The following PDXK variants were observed in gnomAD, a reference collection of about 807,000 sequenced individuals.
PDXK encodes epididymis secretory sperm binding protein Li 1a.
Under a neutral mutation model 43.2 loss-of-function variants are expected in PDXK, and 15 were observed. The ratio of observed to expected loss-of-function variants is 0.35; its 90% CI spans 0.23 to 0.53. PDXK has a LOEUF of 0.53. Among genes scored for constraint, PDXK ranks in the 20% least tolerant of loss-of-function variants. The pLI is 0.92. For synonymous variants in PDXK, 172 were observed against 165.4 expected, an observed-to-expected ratio of 1.04 and a Z score of -0.31; for missense variants, 343 against 417.0, an observed-to-expected ratio of 0.82 and a Z score of 1.54.
At position 43,735,218 on chromosome 21, in the gene PDXK, C is replaced by T. The variant is rs2083383229; in HGVS notation, c.142+1095C>T. ...AGGCCCTCCAGGAGCCTCCCTGAACCCACATGTCCTTCCTGGCTGCTCTCG... is the reference window on the plus strand; with the variant it reads ...AGGCCCTCCAGGAGCCTCCCTGAACTCACATGTCCTTCCTGGCTGCTCTCG... On this transcript the variant is annotated intron_variant, in intron 2 of 10. Transcript: ENST00000291565. This position sits in a 1 kb window ranked among gnomAD's most constrained non-coding sequence, Gnocchi z 5.3. Among the ~76,000 whole-genome samples the T allele has an allele frequency of 6.6e-6, 1 of 152,234 alleles. No homozygotes were observed. The highest frequency in any genetic ancestry group is 2.4e-5 in the African/African-American group (1 of 41,462).
chr21:43,720,684 G>A (rs1399408559), intron 1 of PDXK, among the ~76,000 whole-genome samples: 1 of 152,150 alleles, frequency 6.6e-6, no homozygotes, highest in Non-Finnish European at 1.5e-5. Flanking sequence ...GAGGGGGTTG[G>A]GGGAGGTCAC....
intron 3 of PDXK, among the ~76,000 whole-genome samples, chr21:43,742,694 T>C (rs1379146652): frequency 6.6e-6 from 1 of 152,060 alleles, no homozygotes. Flanking sequence ...CTGAGCGGCA[T>C]AGTGAGACCT....
Position 43,750,852 on chromosome 21 carries a change from A to G in PDXK, c.510+307A>G, listed in dbSNP as rs531344084. Among the ~76,000 whole-genome samples the G allele has an allele frequency of 3.3e-5, 5 of 150,050 alleles. No homozygotes were observed. The East Asian group carries it at 5.9e-4, about 18-fold the overall frequency. On this transcript the variant is annotated intron_variant, in intron 7 of 10. Coordinates refer to ENST00000291565, the MANE Select transcript of PDXK (RefSeq NM_003681.5). ...CATGTGTGCACGTGTGTGTGTGCAC[A>G]TGTGCATGTGCGTCTGTGTGCATGT...
intron 5 of PDXK, among the ~76,000 whole-genome samples, chr21:43,748,027 T>A (rs1462616236): frequency 6.6e-6 from 1 of 152,208 alleles, no homozygotes; most frequent in Non-Finnish European, 1.5e-5. Context: ...GGTGCAGACA[T>A]GCCTCCTGTG....
Position 43,761,908 on chromosome 21 carries a change from GC to G in PDXK, c.*5848del, listed in dbSNP as rs1258867362. On this transcript the variant is annotated 3_prime_UTR_variant, in exon 11 of 11. Transcript: ENST00000291565. ...TGAGTCCTCAGCTGGCTCCGCGTGG[GC>G]CCTTGGAGGGTGCCAGGTGTGTGGT... 5.2e-5 allele frequency: 8 copies of G among 153,772 alleles called. No homozygotes were observed. In the Admixed American group the frequency reaches 5.2e-4, roughly 10 times the overall value. 9.5% of individuals were successfully genotyped at this position (153,772 alleles called of 1,614,324 possible). A position where few individuals can be genotyped will look rare whatever the true frequency, so the allele number is the denominator to read the frequency against.
intron 8 of PDXK, among the ~76,000 whole-genome samples, chr21:43,753,272 A>C (rs1268254395): frequency 6.6e-6 from 1 of 152,170 alleles, no homozygotes; most frequent in Admixed American, 6.5e-5. Context: ...ACACGCACAC[A>C]CATGCACACA....
intron 1 of PDXK, among the ~76,000 whole-genome samples, chr21:43,726,596 C>T (rs758662517): frequency 1.5e-4 from 23 of 152,056 alleles, no homozygotes; most frequent in Admixed American, 2.6e-4. Flanking sequence ...TTGGTAGAGA[C>T]GGGGTTTCAC....
Position 43,762,155 on chromosome 21 carries a change from C to G in PDXK, c.*6092C>G. 1 of 153,292 alleles carries G rather than the reference C, an allele frequency of 6.5e-6. No individual in the cohort carries two copies. The allele number at this position is 153,292 out of a possible 1,614,324, so 9.5% of individuals were successfully genotyped here. A position where few individuals can be genotyped will look rare whatever the true frequency, so the allele number is the denominator to read the frequency against. On this transcript the variant is annotated 3_prime_UTR_variant, in exon 11 of 11. Coordinates refer to ENST00000291565, the MANE Select transcript of PDXK (RefSeq NM_003681.5). ...CGGCCTCTGCAAGGTTCGGGGGTGGCTTCGTTTGCCTGGAGTGGCCGGCCC... is the reference window on the plus strand; with the variant it reads ...CGGCCTCTGCAAGGTTCGGGGGTGGGTTCGTTTGCCTGGAGTGGCCGGCCC...
In PDXK at chr21:43,719,220, G is replaced by A; in HGVS notation, c.-75G>A. 3 of 845,382 alleles carry A rather than the reference G, an allele frequency of 3.5e-6. No individual in the cohort carries two copies. The highest frequency in any genetic ancestry group is 3.2e-6 in the Non-Finnish European group (2 of 631,768). The allele number at this position is 845,382 out of a possible 1,614,324, so 52.4% of individuals were successfully genotyped here. The stretch of plus-strand genomic sequence containing the variant: ...AGCCGGGGCCGGAGCCCGAGCCCGA[G>A]CCGAGCCGGAGCCCGAGCGAGCGGC... On this transcript the variant is annotated 5_prime_UTR_variant, in exon 1 of 11. Transcript: ENST00000291565.
rs572267652 is a variant in PDXK at position 43,734,889 on chromosome 21, C to G, written c.142+766C>G. On this transcript the variant is annotated intron_variant, in intron 2 of 10. Transcript: ENST00000291565. The surrounding 1 kb of genome is among the most constrained non-coding windows in gnomAD (Gnocchi z 5.0). ...CCCCTGAAATTTCTCTGAACCCAGG[C>G]GGAACCTTGGGAGCACAGAACGTCC... Among the ~76,000 whole-genome samples, 4 of 152,302 alleles carry G rather than the reference C, an allele frequency of 2.6e-5. No individual in the cohort carries two copies. The highest frequency in any genetic ancestry group is 9.6e-5 in the African/African-American group (4 of 41,552).
intron 7 of PDXK, among the ~76,000 whole-genome samples, chr21:43,752,094 G>A (rs1380189308): frequency 4.9e-5 from 7 of 142,336 alleles, no homozygotes; most frequent in African/African-American, 1.6e-4. Flanking sequence ...GGGTGGCGAT[G>A]CAGCACATGT....
chr21:43,745,159 C>T (rs2083615715), intron 4 of PDXK, among the ~76,000 whole-genome samples: 1 of 152,176 alleles, frequency 6.6e-6, no homozygotes, highest in Admixed American at 6.5e-5. Context: ...GTGGCTCACG[C>T]CTGGAATCCC....
In PDXK at chr21:43,757,003, G is replaced by C. The variant is rs60998087; in HGVS notation, c.*940G>C. On this transcript the variant is annotated 3_prime_UTR_variant, in exon 11 of 11. Transcript: ENST00000291565. ...CAGGACAGAGGGGTGCCTGCCCCCTGCCCCTGCTGGCACATTTAACCCTTG... is the reference window on the plus strand; with the variant it reads ...CAGGACAGAGGGGTGCCTGCCCCCTCCCCCTGCTGGCACATTTAACCCTTG... The C allele has an allele frequency of 8.3e-3, 1,270 of 152,474 alleles. 15 individuals are homozygous for C. Among genetic ancestry groups the C allele is most frequent in the African/African-American group, 0.028 (1,185 of 41,594 alleles). 9.4% of individuals were successfully genotyped at this position (152,474 alleles called of 1,614,324 possible).
intron 6 of PDXK, among the ~76,000 whole-genome samples, chr21:43,750,082 G>C (rs1455462733): frequency 6.6e-6 from 1 of 152,218 alleles, no homozygotes; most frequent in Non-Finnish European, 1.5e-5. Context: ...TCCCTGACCT[G>C]GGCCTGTCCA....
At position 43,719,308 on chromosome 21, in the gene PDXK, G is replaced by C; in HGVS notation, c.14G>C (p.Cys5Ser). 6.7e-7 allele frequency: 1 copy of C among 1,493,854 alleles called. No individual in the cohort carries two copies. Among genetic ancestry groups the C allele is most frequent in the Non-Finnish European group, 8.9e-7 (1 of 1,122,270 alleles). The allele number at this position is 1,493,854 out of a possible 1,614,324, so 92.5% of individuals were successfully genotyped here. Residue 5 changes from cysteine to serine, a missense_variant, in exon 1 of 11, where the codon TGC (cysteine) becomes TCC (serine). Transcript: ENST00000291565. MEEE[C>S]RVLSIQSHVI... ...GCCAGGCCCGGCATGGAGGAGGAGT[G>C]CCGGGTGCTCTCCATACAGAGCCAC...
At chr21:43,728,693 C>T (rs1166323068) in intron 1 of PDXK, 3 of 984,956 alleles carry the variant, frequency 3.0e-6, no homozygotes, top group Middle Eastern at 5.2e-4. Flanking sequence ...CACTCCCGCA[C>T]GTGGGCAGGA....
At position 43,755,770 on chromosome 21, in the gene PDXK, G is replaced by A. The variant is rs1014206381; in HGVS notation, c.826+6G>A. The A allele has an allele frequency of 1.5e-5, 24 of 1,613,268 alleles. No homozygotes were observed. Among genetic ancestry groups the A allele is most frequent in the Non-Finnish European group, 2.0e-5 (24 of 1,179,352 alleles). On this transcript the variant is annotated splice_donor_region_variant and intron_variant, in intron 10 of 10. Transcript: ENST00000291565. ...GACCATCCAGTGTGCAAAAGGTACG[G>A]CGGCCGGGCTGCATGGGCTGCGTGG...
intron 1 of PDXK, among the ~76,000 whole-genome samples, chr21:43,726,245 G>A (rs1213599363): frequency 6.6e-6 from 1 of 150,514 alleles, no homozygotes; most frequent in African/African-American, 2.4e-5. Flanking sequence ...GAACTTATCG[G>A]TCCCGTTTTC....
At chr21:43,739,803 A>G (rs2083462634) in intron 2 of PDXK, among the ~76,000 whole-genome samples, 1 of 151,874 alleles carries the variant, frequency 6.6e-6, no homozygotes, top group Admixed American at 6.6e-5. Flanking sequence ...CATGTGCAGC[A>G]GTGGTGAGTC....
Sources: gnomAD v4.1 joint callset for allele counts (sites outside exome capture counted in the v4.1 genomes callset) on GRCh38, gnomAD v4.1.1 for gene constraint, Gnocchi (gnomAD v3.1) non-coding constraint, MANE v1.5 for transcripts, NCBI Gene and HGNC (gene_info 2026-07-23, HGNC 2026-07-21) for gene names.